The following VPS53 variants were observed in gnomAD, a reference collection of about 807,000 sequenced individuals.
VPS53 encodes VPS53 subunit of GARP complex.
VPS53 carries 70 observed loss-of-function variants against 107.0 expected under a neutral mutation model. The ratio of observed to expected loss-of-function variants is 0.65; its 90% CI spans 0.54 to 0.80. The LOEUF (loss-of-function observed/expected upper bound fraction) is 0.80. Among genes scored for constraint, VPS53 ranks in the 30% least tolerant of loss-of-function variants. The pLI is 0.00. For synonymous variants in VPS53, 409 were observed against 393.3 expected (o/e 1.04, Z -0.47); for missense variants, 917 against 1,049.4 (o/e 0.87, Z 1.74).
At chr17:591,248 A>G (rs1210118315) in intron 12 of VPS53, among the ~76,000 whole-genome samples, 2 of 151,888 alleles carry the variant, frequency 1.3e-5, no homozygotes, top group Non-Finnish European at 2.9e-5. Flanking sequence ...TTTTTATTGC[A>G]TCTATTTGAT....
intron 17 of VPS53, among the ~76,000 whole-genome samples, chr17:542,726 C>A (rs1485867612): frequency 1.3e-5 from 2 of 152,154 alleles, no homozygotes; most frequent in East Asian, 3.9e-4. Context: ...TGCCTGTAAT[C>A]CCAGCAGTTT....
intron 12 of VPS53, among the ~76,000 whole-genome samples, chr17:589,458 A>G (rs939439575): frequency 6.6e-6 from 1 of 152,160 alleles, no homozygotes; most frequent in African/African-American, 2.4e-5. Flanking sequence ...GGGGTAAAGG[A>G]CATTATGTCT....
At chr17:556,917 G>A (rs976795560) in intron 15 of VPS53, among the ~76,000 whole-genome samples, 2 of 147,966 alleles carry the variant, frequency 1.4e-5, no homozygotes, top group Admixed American at 1.3e-4. Context: ...TCTGCTGAAG[G>A]GGGGTGGCCA....
At chr17:536,722 G>T (rs1248950671) in intron 18 of VPS53, 3 of 294,984 alleles carry the variant, frequency 1.0e-5, no homozygotes, top group Non-Finnish European at 1.9e-5. Context: ...CAACCCAGTT[G>T]AGTATGACAC....
intron 9 of VPS53, 60 bp from the exon 10 acceptor site, chr17:627,376 G>A: frequency 1.9e-6 from 3 of 1,546,800 alleles, no homozygotes; most frequent in Admixed American, 4.1e-5. Context: ...GGCAGTTCAA[G>A]GAAACAAGCA....
At chr17:586,248 A>T in intron 13 of VPS53, 22 bp downstream of exon 13, 1 of 1,610,108 alleles carries the variant, frequency 6.2e-7, no homozygotes, top group Non-Finnish European at 8.5e-7. Flanking sequence ...CAGGCAGAAA[A>T]CAGCGAATGT....
At chr17:661,786 G>T (rs1971448284) in intron 5 of VPS53, 23 bp downstream of exon 5, 2 of 1,548,314 alleles carry the variant, frequency 1.3e-6, no homozygotes, top group East Asian at 4.9e-5. Context: ...GTGCAAAAAG[G>T]TTAGGAAGAA....
intron 4 of VPS53, among the ~76,000 whole-genome samples, chr17:666,650 G>A (rs1317766253): frequency 2.6e-5 from 4 of 151,554 alleles, no homozygotes; most frequent in Non-Finnish European, 4.4e-5. Flanking sequence ...GGCAACAAGA[G>A]CAAAACTCCA....
At chr17:644,524 AT>A (rs1970599103) in intron 7 of VPS53, among the ~76,000 whole-genome samples, 1 of 152,174 alleles carries the variant, frequency 6.6e-6, no homozygotes, top group Non-Finnish European at 1.5e-5. Flanking sequence ...TAAAAAAACA[AT>A]CCTAGTCAAG....
intron 2 of VPS53, among the ~76,000 whole-genome samples, chr17:709,462 G>A (rs1289563649): frequency 6.6e-6 from 1 of 152,182 alleles, no homozygotes; most frequent in African/African-American, 2.4e-5. Context: ...CTCAAGCTCG[G>A]CAGACAGGCT....
chr17:630,343 T>C (rs1969903178), intron 8 of VPS53, among the ~76,000 whole-genome samples: 2 of 150,058 alleles, frequency 1.3e-5, no homozygotes, highest in African/African-American at 4.9e-5. Flanking sequence ...GGCAGCTGAG[T>C]ACACGTGAGG....
At chr17:562,388 G>C in intron 14 of VPS53, 115 bp downstream of exon 14, 1 of 1,431,506 alleles carries the variant, frequency 7.0e-7, no homozygotes, top group Non-Finnish European at 9.6e-7. Context: ...CAGGAAGCGT[G>C]CTTTCCTCCT....
intron 4 of VPS53, among the ~76,000 whole-genome samples, chr17:665,030 G>A (rs1175279751): frequency 2.0e-5 from 3 of 152,154 alleles, no homozygotes; most frequent in Admixed American, 1.3e-4. Context: ...TGCTATGGCT[G>A]GAATGCATCC....
chr17:519,476 GA>G lies in VPS53; in HGVS notation c.2329-179del, dbSNP rs1165447472. Among the ~76,000 whole-genome samples, 3 of 152,204 alleles carry G rather than the reference GA, an allele frequency of 2.0e-5. No homozygotes were observed. The highest frequency in any genetic ancestry group is 4.4e-5 in the Non-Finnish European group (3 of 68,030). ...CATCCCCTGGGTAGTAGCGTGGGAG[GA>G]AAAGAGAGGGGAAGAAAAGGTAAAG... On this transcript the variant is annotated intron_variant, in intron 21 of 21. Transcript: ENST00000437048. This position sits in a 1 kb window ranked among gnomAD's most constrained non-coding sequence, Gnocchi z 5.0.
chr17:511,267 T>C lies in VPS53; in HGVS notation c.*7861A>G, dbSNP rs767835522. The C allele has an allele frequency of 2.0e-5, 3 of 152,164 alleles. No homozygotes were observed. Among genetic ancestry groups the C allele is most frequent in the Non-Finnish European group, 4.4e-5 (3 of 68,036 alleles). 9.4% of individuals were successfully genotyped at this position (152,164 alleles called of 1,614,324 possible). A position where few individuals can be genotyped will look rare whatever the true frequency, so the allele number is the denominator to read the frequency against. On this transcript the variant is annotated 3_prime_UTR_variant, in exon 22 of 22. Coordinates refer to ENST00000437048, the MANE Select transcript of VPS53 (RefSeq NM_001128159.3). ...ACACATGAAGGGAGCTGGGGTTTCT[T>C]GCCACCATTTCACCTGAGACCCCTG...
intron 8 of VPS53, among the ~76,000 whole-genome samples, chr17:631,322 C>T (rs1294139724): frequency 6.6e-6 from 1 of 151,604 alleles, no homozygotes; most frequent in Non-Finnish European, 1.5e-5. Flanking sequence ...TCAAATTAAG[C>T]CCAAACAAAT....
intron 11 of VPS53, among the ~76,000 whole-genome samples, chr17:608,617 C>CTTT (rs1201532086): frequency 1.5e-5 from 2 of 135,874 alleles, no homozygotes; most frequent in African/African-American, 5.4e-5. Context: ...CTTTTCTTTT[C>CTTT]TTTTCTTTTT....
At position 515,170 on chromosome 17, in the gene VPS53, C is replaced by A. The variant is rs1288696984; in HGVS notation, c.*3958G>T. The A allele has an allele frequency of 6.6e-6, 1 of 152,186 alleles. No individual in the cohort carries two copies. Among genetic ancestry groups the A allele is most frequent in the African/African-American group, 2.4e-5 (1 of 41,444 alleles). The allele number at this position is 152,186 out of a possible 1,614,324, so 9.4% of individuals were successfully genotyped here. ...AAATGGACTGAGGGGAAGGAATGGG[C>A]ACAATATCTAGGTCTAGCTGAATCA... On this transcript the variant is annotated 3_prime_UTR_variant, in exon 22 of 22. Transcript: ENST00000437048.
At chr17:688,332 G>A (rs1165011969) in intron 4 of VPS53, among the ~76,000 whole-genome samples, 1 of 152,184 alleles carries the variant, frequency 6.6e-6, no homozygotes, top group African/African-American at 2.4e-5. Flanking sequence ...CTGCCACCTT[G>A]TGAAGAAGGA....
Sources: allele counts gnomAD v4.1 joint callset (sites outside exome capture counted in the v4.1 genomes callset), GRCh38; gene constraint gnomAD v4.1.1; non-coding constraint Gnocchi (gnomAD v3.1); transcripts MANE v1.5; gene names NCBI Gene and HGNC (gene_info 2026-07-23, HGNC 2026-07-21).